ABCC4: variants seen among roughly 807,000 people sequenced by gnomAD.
ABCC4 encodes the protein ATP-binding cassette sub-family C member 4.
Under a neutral mutation model 168.5 loss-of-function variants are expected in ABCC4, and 102 were observed. The ratio of observed to expected loss-of-function variants is 0.61; its 90% CI spans 0.52 to 0.71. The LOEUF is 0.71. Among genes scored for constraint, ABCC4 ranks in the 30% least tolerant of loss-of-function variants. ABCC4 has a pLI of 0.00. For synonymous variants in ABCC4, 617 were observed against 590.7 expected (o/e 1.04, Z -0.65); for missense variants, 1,402 against 1,605.8 (o/e 0.87, Z 2.17).
At chr13:95,094,625 C>T (rs2034533098) in intron 20 of ABCC4, among the ~76,000 whole-genome samples, 1 of 152,120 alleles carries the variant, frequency 6.6e-6, no homozygotes, top group Non-Finnish European at 1.5e-5. Flanking sequence ...GATTTCATGA[C>T]TAAGAACCCA....
rs372499249 is a variant in ABCC4, at chr13:95,166,358, C to A, written c.1834G>T (p.Val612Leu). The change falls in exon 15 of 31, where the codon GTG becomes TTG. Residue 612 changes from valine to leucine, a missense_variant. Physicochemically the swap from Val to Leu is conservative, Grantham distance 32. Around this residue, in one of 3 missense-constraint regions of ABCC4, gnomAD observed 1,007 missense variants for 1,127.3 expected, o/e 0.89. Coordinates refer to ENST00000645237, the MANE Select transcript of ABCC4 (RefSeq NM_005845.5). Reference sequence around the variant, plus strand: ...AACTCAGTGTAAGTCCCCTTCTGCACCATTTTACCCTAAAATAAAAATAAA... The same window carrying A: ...AACTCAGTGTAAGTCCCCTTCTGCAACATTTTACCCTAAAATAAAAATAAA... ...QILILKDGKM[V>L]QKGTYTEFLK... is the part of the protein sequence containing the mutation. 8.7e-5 allele frequency: 140 copies of A among 1,610,962 alleles called. 1 individual carries two copies. The highest frequency in any genetic ancestry group is 1.7e-4 in the Admixed American group (10 of 59,754).
rs537462574 is a variant in ABCC4 at position 95,125,910 on chromosome 13, A to T, written c.2456-9909T>A. ...CCTGGCCCAGCCTCACGTAGCATCC[A>T]GAAGGTACAGATCCCTGGACAGCAA... On this transcript the variant is annotated intron_variant, in intron 19 of 30. Transcript: ENST00000645237. Among the ~76,000 whole-genome samples, 22 of 152,336 alleles carry T rather than the reference A, an allele frequency of 1.4e-4. 1 individual carries two copies. Among genetic ancestry groups the T allele is most frequent in the South Asian group, 4.1e-4 (2 of 4,830 alleles).
chr13:95,077,214 T>C (rs1318497756), intron 21 of ABCC4, among the ~76,000 whole-genome samples: 1 of 152,238 alleles, frequency 6.6e-6, no homozygotes, highest in Non-Finnish European at 1.5e-5. Context: ...TCTTTAGCAT[T>C]CTTTTCTGAG....
intron 19 of ABCC4, among the ~76,000 whole-genome samples, chr13:95,139,295 G>A (rs1188871148): frequency 2.0e-5 from 3 of 152,212 alleles, no homozygotes; most frequent in Admixed American, 1.3e-4. Flanking sequence ...TGGCTGGGCA[G>A]GATTGGCCGC....
chr13:95,222,137 G>T (rs2039326333), intron 4 of ABCC4, among the ~76,000 whole-genome samples: 1 of 152,212 alleles, frequency 6.6e-6, no homozygotes, highest in Non-Finnish European at 1.5e-5. Flanking sequence ...CAGTAAGGAA[G>T]TTAAACAGGC....
intron 19 of ABCC4, among the ~76,000 whole-genome samples, chr13:95,129,588 A>C (rs991263003): frequency 6.6e-6 from 1 of 151,688 alleles, no homozygotes; most frequent in Non-Finnish European, 1.5e-5. Context: ...ACAAAAATGT[A>C]TAATATAACT....
At chr13:95,116,341 A>G (rs547144595) in intron 19 of ABCC4, among the ~76,000 whole-genome samples, 1 of 152,314 alleles carries the variant, frequency 6.6e-6, no homozygotes, top group African/African-American at 2.4e-5. Context: ...CCAAGTGCAA[A>G]GTAGGTAGAT....
chr13:95,112,858 C>A (rs2035251358), intron 20 of ABCC4, among the ~76,000 whole-genome samples: 2 of 151,974 alleles, frequency 1.3e-5, no homozygotes, highest in Non-Finnish European at 2.9e-5. Flanking sequence ...TGTTTATTAC[C>A]CATAGAACCT....
At chr13:95,268,216 T>C (rs61972743) in intron 1 of ABCC4, among the ~76,000 whole-genome samples, 6,974 of 152,322 alleles carry the variant, frequency 0.046, 237 homozygotes, top group Non-Finnish European at 0.067. Context: ...TTTAAGGCTA[T>C]GCAGGATGTG....
At chr13:95,238,244 G>C (rs1394624085) in intron 3 of ABCC4, among the ~76,000 whole-genome samples, 1 of 150,026 alleles carries the variant, frequency 6.7e-6, no homozygotes, top group Non-Finnish European at 1.5e-5. Flanking sequence ...GACAAAACTA[G>C]GGTTGAGAAA....
chr13:95,040,384 A>G (rs77543678), intron 29 of ABCC4, among the ~76,000 whole-genome samples: 2,037 of 152,238 alleles, frequency 0.013, 40 homozygotes, highest in African/African-American at 0.046. Flanking sequence ...GGCACACGGC[A>G]CCACGCCCAG....
intron 4 of ABCC4, among the ~76,000 whole-genome samples, chr13:95,225,153 T>TCTCACACACACACA (rs1360466403): frequency 5.7e-4 from 20 of 35,224 alleles, no homozygotes; most frequent in Admixed American, 1.7e-3. Context: ...TCTCTCTCTC[T>TCTCACACACACACA]CACACACACA....
At chr13:95,220,529 T>C (rs1170509097) in intron 4 of ABCC4, among the ~76,000 whole-genome samples, 1 of 69,484 alleles carries the variant, frequency 1.4e-5, no homozygotes, top group Non-Finnish European at 3.9e-5. Flanking sequence ...AAGAGATTTG[T>C]GCAGCAGGAA....
Position 95,075,559 on chromosome 13 carries a change from AACAG to A in ABCC4, c.2687-12_2687-9del, listed in dbSNP as rs746572555. The A allele has an allele frequency of 1.6e-4, 258 of 1,613,858 alleles. No individual in the cohort carries two copies. Among genetic ancestry groups the A allele is most frequent in the Admixed American group, 1.8e-4 (11 of 59,988 alleles). ...AAAACACTGGACTCCGAGCTGGGGAAACAGACAGAGAAAACAGCTCAGTGAGGCT... is the reference window on the plus strand; with the variant it reads ...AAAACACTGGACTCCGAGCTGGGGAAACAGAGAAAACAGCTCAGTGAGGCT... On this transcript the variant is annotated splice_polypyrimidine_tract_variant and intron_variant, in intron 21 of 30. Coordinates refer to ENST00000645237, the MANE Select transcript of ABCC4 (RefSeq NM_005845.5).
chr13:95,262,852 C>T (rs1237638459), intron 1 of ABCC4, among the ~76,000 whole-genome samples: 4 of 152,146 alleles, frequency 2.6e-5, no homozygotes, highest in Non-Finnish European at 5.9e-5. Context: ...CCAGGCTGGT[C>T]TCGAACTGCT....
chr13:95,239,737 T>C (rs1395153103), intron 3 of ABCC4, among the ~76,000 whole-genome samples: 1 of 151,662 alleles, frequency 6.6e-6, no homozygotes, highest in East Asian at 2.0e-4. Context: ...TGCTGGAGAA[T>C]CACTCATTAT....
chr13:95,232,787 A>G (rs1377715445), intron 4 of ABCC4, among the ~76,000 whole-genome samples: 1 of 152,226 alleles, frequency 6.6e-6, no homozygotes, highest in Non-Finnish European at 1.5e-5. Flanking sequence ...TCTCTATGGC[A>G]ACTTCTCAGC....
intron 1 of ABCC4, among the ~76,000 whole-genome samples, chr13:95,262,325 AACC>A (rs1220680695): frequency 6.6e-6 from 1 of 152,244 alleles, no homozygotes. Flanking sequence ...AAAGAGGGAG[AACC>A]AGAACAAAGC....
intron 9 of ABCC4, among the ~76,000 whole-genome samples, chr13:95,192,727 G>C (rs2038294593): frequency 6.6e-6 from 1 of 152,120 alleles, no homozygotes; most frequent in African/African-American, 2.4e-5. Context: ...AGACCAGCCT[G>C]GCCAACATGG....
Sources: gnomAD v4.1 joint callset for allele counts (sites outside exome capture counted in the v4.1 genomes callset) on GRCh38, gnomAD v4.1.1 for gene constraint, gnomAD v4.1.1 regional missense constraint, MANE v1.5 for transcripts, NCBI Gene and HGNC (gene_info 2026-07-23, HGNC 2026-07-21) for gene names.